Variants in SGSM1 observed in about 807,000 individuals in gnomAD.
SGSM1 encodes the protein small G protein signaling modulator 1.
Under a neutral mutation model 133.8 loss-of-function variants are expected in SGSM1, and 73 were observed. That is an observed-to-expected ratio of 0.55 (90% CI 0.45 to 0.66). The LOEUF (loss-of-function observed/expected upper bound fraction) is 0.66. SGSM1 is among the 30% of genes least tolerant of loss of function. The pLI is 0.00. For missense variants in SGSM1, 1,213 were observed against 1,448.1 expected (o/e 0.84, Z 2.64); for synonymous variants, 563 against 573.0 (o/e 0.98, Z 0.25).
At chr22:24,824,904 G>GT (rs1928713931) in intron 2 of SGSM1, among the ~76,000 whole-genome samples, 1 of 152,246 alleles carries the variant, frequency 6.6e-6, no homozygotes, top group African/African-American at 2.4e-5. Flanking sequence ...TCCCTGGACT[G>GT]TAAGGCTTGC....
Position 24,893,445 on chromosome 22 carries a change from T to C in SGSM1, c.1785T>C (p.Ile595=), listed in dbSNP as rs748545309. 5.6e-6 allele frequency: 9 copies of C among 1,613,586 alleles called. No individual in the cohort carries two copies. The highest frequency in any genetic ancestry group is 1.3e-5 in the African/African-American group (1 of 74,878). Residue 595 remains isoleucine, a synonymous_variant, in exon 17 of 25, where the codon ATT becomes ATC. Coordinates refer to ENST00000400358, the MANE Select transcript of SGSM1 (RefSeq NM_001098497.3). The part of the protein sequence containing the change: ...ETERKEVDEQ[I]HACYAQTMAE... ...TGCCCTGGCAGGTGGACGAGCAGAT[T>C]CATGCCTGCTATGCACAGACCATGG...
chr22:24,865,361 C>T (rs1372936545), intron 9 of SGSM1, among the ~76,000 whole-genome samples: 1 of 152,186 alleles, frequency 6.6e-6, no homozygotes, highest in African/African-American at 2.4e-5. Flanking sequence ...ATGGGAGGGG[C>T]TCAACAGAGG....
At chr22:24,892,386 C>T (rs1051677736) in intron 16 of SGSM1, among the ~76,000 whole-genome samples, 1 of 152,134 alleles carries the variant, frequency 6.6e-6, no homozygotes, top group Admixed American at 6.6e-5. Flanking sequence ...AGACGCAGAG[C>T]CTGTTACCTG....
At position 24,889,621 on chromosome 22, in the gene SGSM1, T is replaced by C. The variant is rs1456240444; in HGVS notation, c.1770+2893T>C. Among the ~76,000 whole-genome samples the C allele has an allele frequency of 4.6e-5, 7 of 151,502 alleles. No individual in the cohort carries two copies. In the East Asian group the frequency reaches 5.9e-4, roughly 13 times the overall value. On this transcript the variant is annotated intron_variant, in intron 16 of 24. Coordinates refer to ENST00000400358, the MANE Select transcript of SGSM1 (RefSeq NM_001098497.3). The stretch of plus-strand genomic sequence containing the variant: ...GACGAGGTTTCACCATGTTGGATTA[T>C]AGGCGTGAGCCACCGGGCCTGGCCT...
At chr22:24,855,140 C>G in intron 6 of SGSM1, 77 bp downstream of exon 6, 1 of 1,555,478 alleles carries the variant, frequency 6.4e-7, no homozygotes, top group Non-Finnish European at 8.7e-7. Context: ...AGGACTCTCT[C>G]ACCCCTGTCC....
intron 2 of SGSM1, among the ~76,000 whole-genome samples, chr22:24,834,926 C>A (rs1352342283): frequency 2.0e-5 from 3 of 152,082 alleles, no homozygotes; most frequent in Admixed American, 2.0e-4. Context: ...CCTCTGCCAG[C>A]GGGGATTGTA....
At position 24,879,487 on chromosome 22, in the gene SGSM1, A is replaced by G; in HGVS notation, c.1456A>G (p.Asn486Asp). ...GGCTCCCCTGAAACTTCTCTGTGAC[A>G]ATATGAAGTACCAGATCCTCTCCAG... ...ERAPLKLLCD[N>D]MKYQILSRAF... The change falls in exon 14 of 25, where the codon AAT becomes GAT. Residue 486 changes from asparagine (N) to aspartate (D), a missense_variant. Asn to Asp is a conservative substitution (Grantham distance 23). Coordinates refer to ENST00000400358, the MANE Select transcript of SGSM1 (RefSeq NM_001098497.3). The G allele has an allele frequency of 1.2e-6, 2 of 1,613,818 alleles. No homozygotes were observed. The highest frequency in any genetic ancestry group is 1.7e-6 in the Non-Finnish European group (2 of 1,179,854).
chr22:24,902,561 T>C (rs558913224), intron 20 of SGSM1, among the ~76,000 whole-genome samples: 1 of 152,190 alleles, frequency 6.6e-6, no homozygotes, highest in Admixed American at 6.5e-5. Context: ...TGGCATGCAC[T>C]TGTAGTCCTG....
chr22:24,856,420 T>C (rs139683), intron 8 of SGSM1, among the ~76,000 whole-genome samples: 18,557 of 152,158 alleles, frequency 0.12, 1,802 homozygotes, highest in African/African-American at 0.27. Flanking sequence ...GCTGGTGCCA[T>C]AGTCAGTGCC....
intron 24 of SGSM1, among the ~76,000 whole-genome samples, chr22:24,920,928 A>G (rs1034728279): frequency 3.3e-5 from 5 of 152,158 alleles, no homozygotes; most frequent in Non-Finnish European, 4.4e-5. Context: ...GTTACCATCT[A>G]TTAAACTACA....
At chr22:24,832,936 T>A (rs1303924706) in intron 2 of SGSM1, among the ~76,000 whole-genome samples, 1 of 144,394 alleles carries the variant, frequency 6.9e-6, no homozygotes, top group Non-Finnish European at 1.5e-5. Context: ...TGTCTAAATT[T>A]CCTCTTTTTT....
intron 9 of SGSM1, among the ~76,000 whole-genome samples, chr22:24,861,301 G>A (rs974443683): frequency 5.4e-5 from 8 of 147,340 alleles, no homozygotes; most frequent in African/African-American, 1.7e-4. Flanking sequence ...GCAGTGAGCC[G>A]AGATCGCGCC....
chr22:24,873,250 A>G (rs1201008256), intron 12 of SGSM1, among the ~76,000 whole-genome samples: 1 of 151,878 alleles, frequency 6.6e-6, no homozygotes, highest in Non-Finnish European at 1.5e-5. Flanking sequence ...GGCGTGAGCC[A>G]CCTCCCAGCC....
At chr22:24,921,882 G>A (rs760655678) in intron 24 of SGSM1, among the ~76,000 whole-genome samples, 2 of 151,814 alleles carry the variant, frequency 1.3e-5, no homozygotes, top group African/African-American at 4.8e-5. Flanking sequence ...TATTTTTTTA[G>A]TAGAGACAGG....
intron 14 of SGSM1, among the ~76,000 whole-genome samples, chr22:24,882,906 CT>C (rs1250395242): frequency 2.2e-5 from 3 of 139,282 alleles, no homozygotes; most frequent in East Asian, 2.1e-4. Flanking sequence ...TTTTTTCTTT[CT>C]TTTTTTTTGA....
intron 6 of SGSM1, 29 bp from the exon 7 acceptor site, chr22:24,855,256 T>G: frequency 1.3e-6 from 2 of 1,596,674 alleles, no homozygotes; most frequent in Non-Finnish European, 1.7e-6. Flanking sequence ...TCCGGGGCAG[T>G]GGGTTTCCAG....
rs139699 is a variant in SGSM1, at chr22:24,858,635, CAAAAAAA to C, written c.802-1066_802-1060del. Among the ~76,000 whole-genome samples the C allele has an allele frequency of 3.0e-3, 250 of 83,030 alleles. 2 individuals carry two copies. Among genetic ancestry groups the C allele is most frequent in the African/African-American group, 8.3e-3 (231 of 27,956 alleles). The allele number at this position is 83,030 out of a possible 152,430, so 54.5% of individuals were successfully genotyped here. On this transcript the variant is annotated intron_variant, in intron 8 of 24. Coordinates refer to ENST00000400358, the MANE Select transcript of SGSM1 (RefSeq NM_001098497.3). ...TTGGCAACAGAGCGAGACTCCATCT[CAAAAAAA>C]AAAAAAAAAAAAAAGAAGAAAGACA...
At chr22:24,906,630 C>T (rs1169727161) in intron 21 of SGSM1, among the ~76,000 whole-genome samples, 1 of 152,272 alleles carries the variant, frequency 6.6e-6, no homozygotes, top group East Asian at 1.9e-4. Flanking sequence ...TTTGCAATAG[C>T]ATCTAGAAGA....
intron 3 of SGSM1, 72 bp downstream of exon 3, chr22:24,845,044 C>G (rs1930019537): frequency 6.7e-7 from 1 of 1,482,462 alleles, no homozygotes; most frequent in Non-Finnish European, 9.3e-7. Flanking sequence ...CTTGGAGCCA[C>G]TGTTTTGCTT....
Sources: allele counts gnomAD v4.1 joint callset (sites outside exome capture counted in the v4.1 genomes callset), GRCh38; gene constraint gnomAD v4.1.1; transcripts MANE v1.5; gene names NCBI Gene and HGNC (gene_info 2026-07-23, HGNC 2026-07-21).